ATP2A3: variants seen among roughly 807,000 people sequenced by gnomAD.
ATP2A3 encodes the protein sarcoplasmic/endoplasmic reticulum calcium ATPase 3.
In ATP2A3, 61 loss-of-function variants were observed where a neutral mutation model predicts 106.8. The ratio of observed to expected loss-of-function variants is 0.57; its 90% CI spans 0.46 to 0.71. The LOEUF (loss-of-function observed/expected upper bound fraction) is 0.71, where lower values mean the gene tolerates loss of function less well. Among genes scored for constraint, ATP2A3 ranks in the 30% least tolerant of loss-of-function variants. The pLI is 0.00. For synonymous variants in ATP2A3, 611 were observed against 609.3 expected (o/e 1.00, Z -0.04); for missense variants, 1,201 against 1,423.5 (o/e 0.84, Z 2.52).
chr17:3,940,859 G>C (rs1259671370), intron 14 of ATP2A3, 112 bp downstream of exon 14: 13 of 1,306,664 alleles, frequency 9.9e-6, no homozygotes, highest in Admixed American at 7.3e-5. Context: ...TTGGTAATAA[G>C]ATGTTAGAAA....
intron 14 of ATP2A3, 140 bp downstream of exon 14, chr17:3,940,831 T>G (rs891732584): frequency 3.3e-5 from 37 of 1,130,080 alleles, no homozygotes; most frequent in Non-Finnish European, 4.6e-5. Context: ...TTTAAATTTC[T>G]TTTTGTATTT....
chr17:3,931,694 T>G (rs2053105510), intron 17 of ATP2A3, among the ~76,000 whole-genome samples: 1 of 151,996 alleles, frequency 6.6e-6, no homozygotes, highest in South Asian at 2.1e-4. Flanking sequence ...GCTAATTTTT[T>G]GTATTTTTAG....
Position 3,936,385 on chromosome 17 carries a change from T to A in ATP2A3, c.2406A>T (p.Leu802=). The stretch of plus-strand genomic sequence containing the variant: ...GGTTGAAGCCCAGAGCCGTGGCAGG[T>A]AGGCCGTCTGTCACCAGGTTCACCC... ...LLWVNLVTDG[L]PATALGFNPP... Residue 802 remains leucine (L), a synonymous_variant, in exon 16 of 21, where the codon CTA becomes CTT. Coordinates refer to ENST00000397041, the MANE Select transcript of ATP2A3 (RefSeq NM_005173.4). This position sits in a 1 kb window ranked among gnomAD's most constrained non-coding sequence, Gnocchi z 5.4. The A allele has an allele frequency of 1.2e-6, 2 of 1,613,958 alleles. No homozygotes were observed. Among genetic ancestry groups the A allele is most frequent in the Non-Finnish European group, 1.7e-6 (2 of 1,180,000 alleles).
At chr17:3,960,525 C>G (rs2055079839) in intron 1 of ATP2A3, among the ~76,000 whole-genome samples, 1 of 152,248 alleles carries the variant, frequency 6.6e-6, no homozygotes, top group East Asian at 1.9e-4. Context: ...CTGGGGTCTC[C>G]AGGGACTTTA....
rs1274678061 is a variant in ATP2A3 at position 3,945,045 on chromosome 17, T to G, written c.1184+15A>C. 3 of 1,517,286 alleles carry G rather than the reference T, an allele frequency of 2.0e-6. No homozygotes were observed. Among genetic ancestry groups the G allele is most frequent in the Non-Finnish European group, 2.7e-6 (3 of 1,130,888 alleles). 94.0% of individuals were successfully genotyped at this position (1,517,286 alleles called of 1,614,324 possible). A position where few individuals can be genotyped will look rare whatever the true frequency, so the allele number is the denominator to read the frequency against. On this transcript the variant is annotated intron_variant, in intron 9 of 20. Transcript: ENST00000397041. Reference sequence around the variant, plus strand: ...CCAGGCCGCCCGCCCGCGCGTCCCCTGGCCCCGCACTCACACTTCGCCCTC... The same window carrying G: ...CCAGGCCGCCCGCCCGCGCGTCCCCGGGCCCCGCACTCACACTTCGCCCTC...
Position 3,926,723 on chromosome 17 carries a change from C to G in ATP2A3, c.2981-1282G>C, listed in dbSNP as rs1178883134. On this transcript the variant is annotated intron_variant, in intron 20 of 20. Transcript: ENST00000397041. This position sits in a 1 kb window ranked among gnomAD's most constrained non-coding sequence, Gnocchi z 4.6. ...TAGCTGGGATTATAGGCACCTGCCA[C>G]CACGCCCAGCTAATTTTTGTATCTT... The G allele has an allele frequency of 2.6e-6, 1 of 379,034 alleles. No individual in the cohort carries two copies. The highest frequency in any genetic ancestry group is 2.2e-5 in the African/African-American group (1 of 45,388). 23.5% of individuals were successfully genotyped at this position (379,034 alleles called of 1,614,324 possible).
At chr17:3,931,930 A>T (rs1157164117) in intron 17 of ATP2A3, among the ~76,000 whole-genome samples, 1 of 152,180 alleles carries the variant, frequency 6.6e-6, no homozygotes, top group Non-Finnish European at 1.5e-5. Flanking sequence ...GCATAAATAC[A>T]TCCGTTTTCC....
At chr17:3,960,988 G>A (rs972213588) in intron 1 of ATP2A3, among the ~76,000 whole-genome samples, 7 of 152,208 alleles carry the variant, frequency 4.6e-5, no homozygotes, top group Admixed American at 2.0e-4. Flanking sequence ...GCCGCACGCC[G>A]AAATGCCATG....
In ATP2A3 at chr17:3,935,535, C is replaced by CTTTT. The variant is rs10668980; in HGVS notation, c.2525-262_2525-259dup. On this transcript the variant is annotated intron_variant, in intron 16 of 20. Coordinates refer to ENST00000397041, the MANE Select transcript of ATP2A3 (RefSeq NM_005173.4). Reference sequence around the variant, plus strand: ...GCCAATGAGAACAGGCCTGTTGAGACTTTTTTTTTTTTTTTTTTTTGAGAC... The same window carrying CTTTT: ...GCCAATGAGAACAGGCCTGTTGAGACTTTTTTTTTTTTTTTTTTTTTTTTGAGAC... 4.1e-4 allele frequency among the ~76,000 whole-genome samples: 47 copies of CTTTT among 114,018 alleles called. 1 individual carries two copies. Among genetic ancestry groups the CTTTT allele is most frequent in the East Asian group, 7.8e-4 (3 of 3,848 alleles). The allele number at this position is 114,018 out of a possible 152,430, so 74.8% of individuals were successfully genotyped here. A position where few individuals can be genotyped will look rare whatever the true frequency, so the allele number is the denominator to read the frequency against.
chr17:3,956,809 G>A (rs1313103170), intron 1 of ATP2A3, among the ~76,000 whole-genome samples: 1 of 152,120 alleles, frequency 6.6e-6, no homozygotes, highest in Non-Finnish European at 1.5e-5. Flanking sequence ...TACCCCCTCC[G>A]CTGTGACCTG....
rs2053466020 is a variant in ATP2A3, at chr17:3,936,727, C to G, written c.2322-258G>C. On this transcript the variant is annotated intron_variant, in intron 15 of 20. Transcript: ENST00000397041. The surrounding 1 kb of genome is among the most constrained non-coding windows in gnomAD (Gnocchi z 5.4). ...AGGCCTAGCAGAGGCCAAGTACACA[C>G]ACACACACACACACACACACACACA... 1 of 399,356 alleles carries G rather than the reference C, an allele frequency of 2.5e-6. No homozygotes were observed. Among genetic ancestry groups the G allele is most frequent in the African/African-American group, 2.1e-5 (1 of 47,834 alleles). 24.7% of individuals were successfully genotyped at this position (399,356 alleles called of 1,614,324 possible). A position where few individuals can be genotyped will look rare whatever the true frequency, so the allele number is the denominator to read the frequency against.
chr17:3,951,147 TG>T, intron 5 of ATP2A3, 103 bp downstream of exon 5: 1 of 1,093,686 alleles, frequency 9.1e-7, no homozygotes, highest in Non-Finnish European at 1.2e-6. Context: ...CACTCCAGTC[TG>T]GGCAACAGAG....
chr17:3,958,256 T>G (rs1597677768), intron 1 of ATP2A3, among the ~76,000 whole-genome samples: 1 of 152,198 alleles, frequency 6.6e-6, no homozygotes, highest in African/African-American at 2.4e-5. Flanking sequence ...ATAAAGCACT[T>G]GGAATGCGTA....
intron 8 of ATP2A3, among the ~76,000 whole-genome samples, chr17:3,946,237 C>T (rs1010106499): frequency 7.8e-6 from 1 of 128,874 alleles, no homozygotes; most frequent in African/African-American, 3.0e-5. Context: ...AGTGAGACTC[C>T]ATCTCAAAAA....
In ATP2A3 at chr17:3,928,497, C is replaced by T. The variant is rs2052845387; in HGVS notation, c.2980+166G>A. 3 of 951,212 alleles carry T rather than the reference C, an allele frequency of 3.2e-6. No homozygotes were observed. The East Asian group carries it at 7.9e-5, about 25-fold the overall frequency. 58.9% of individuals were successfully genotyped at this position (951,212 alleles called of 1,614,324 possible). ...GCAAGACCCTGCGGACACCTTGGGA[C>T]CCAGCCACCAGAGCCCCTTCACACC... On this transcript the variant is annotated intron_variant, in intron 20 of 20. Transcript: ENST00000397041. This position sits in a 1 kb window ranked among gnomAD's most constrained non-coding sequence, Gnocchi z 6.1.
chr17:3,930,634 A>T lies in ATP2A3; in HGVS notation c.2611-200T>A. On this transcript the variant is annotated intron_variant, in intron 17 of 20. Transcript: ENST00000397041. This position sits in a 1 kb window ranked among gnomAD's most constrained non-coding sequence, Gnocchi z 5.4. ...GGGAGAGCTGCACCGTGCCAGGGAG[A>T]AGCAAGGGCACAGCGTGGGAAAGGC... 1 of 711,444 alleles carries T rather than the reference A, an allele frequency of 1.4e-6. No homozygotes were observed. The highest frequency in any genetic ancestry group is 2.4e-6 in the Non-Finnish European group (1 of 422,250). The allele number at this position is 711,444 out of a possible 1,614,324, so 44.1% of individuals were successfully genotyped here. A position where few individuals can be genotyped will look rare whatever the true frequency, so the allele number is the denominator to read the frequency against.
In ATP2A3 at chr17:3,955,003, T is replaced by C. The variant is rs2054688474; in HGVS notation, c.119-1293A>G. Among the ~76,000 whole-genome samples the C allele has an allele frequency of 6.6e-6, 1 of 152,106 alleles. No individual in the cohort carries two copies. Among genetic ancestry groups the C allele is most frequent in the African/African-American group, 2.4e-5 (1 of 41,410 alleles). ...GCCACACAGTGAGTGAGTGGGTCTG[T>C]GTGGGGATGAGAGGGGCGGGAGCCA... On this transcript the variant is annotated intron_variant, in intron 1 of 20. Coordinates refer to ENST00000397041, the MANE Select transcript of ATP2A3 (RefSeq NM_005173.4). The surrounding 1 kb of genome is among the most constrained non-coding windows in gnomAD (Gnocchi z 4.2).
In ATP2A3 at chr17:3,941,486, T is replaced by C. The variant is rs746497040; in HGVS notation, c.1714A>G (p.Arg572Gly). ...TCGTCCAGCTCCATGTCCTCCTTCC[T>C]TGGGGGCGCGTCCCGGGTGGCCAGT... ...LALATRDAPP[R>G]KEDMELDDCS... Residue 572 changes from arginine (R) to glycine (G), a missense_variant, in exon 13 of 21, where the codon AGG becomes GGG. Arg to Gly is a moderately radical substitution (Grantham distance 125, BLOSUM62 -2). This residue lies in a region of ATP2A3 where 935 missense variants were observed against 1,176.7 expected (regional missense o/e 0.79). Coordinates refer to ENST00000397041, the MANE Select transcript of ATP2A3 (RefSeq NM_005173.4). The C allele has an allele frequency of 1.9e-6, 3 of 1,613,852 alleles. No homozygotes were observed. Among genetic ancestry groups the C allele is most frequent in the Non-Finnish European group, 2.5e-6 (3 of 1,179,842 alleles).
intron 1 of ATP2A3, 132 bp downstream of exon 1, chr17:3,964,042 G>A: frequency 2.7e-6 from 1 of 374,948 alleles, no homozygotes. Context: ...GGGTGCCCCA[G>A]GAGCATCCGA....
Sources: allele counts gnomAD v4.1 joint callset (sites outside exome capture counted in the v4.1 genomes callset), GRCh38; gene constraint gnomAD v4.1.1; regional missense constraint gnomAD v4.1.1; non-coding constraint Gnocchi (gnomAD v3.1); transcripts MANE v1.5; gene names NCBI Gene and HGNC (gene_info 2026-07-23, HGNC 2026-07-21).